Variants in TUBGCP5 observed in about 807,000 individuals in gnomAD.
TUBGCP5 encodes the protein gamma-tubulin complex component 5.
Under a neutral mutation model 134.7 loss-of-function variants are expected in TUBGCP5, and 98 were observed. The ratio of observed to expected loss-of-function variants is 0.73; its 90% CI spans 0.62 to 0.86. TUBGCP5 has a LOEUF of 0.86. Among genes scored for constraint, TUBGCP5 ranks in the 40% least tolerant of loss-of-function variants. The pLI is 0.00. For synonymous variants in TUBGCP5, 456 were observed against 431.4 expected, an observed-to-expected ratio of 1.06 and a Z score of -0.71; for missense variants, 1,150 against 1,244.8, an observed-to-expected ratio of 0.92 and a Z score of 1.15.
chr15:22,999,815 G>C lies in TUBGCP5; in HGVS notation c.*5C>G. The stretch of plus-strand genomic sequence containing the variant: ...AGTCGGAGATATTTATTACGCTGAA[G>C]ACATTTAACTTTGTTCCATGCCAGC... On this transcript the variant is annotated 3_prime_UTR_variant, in exon 23 of 23. Coordinates refer to ENST00000615383, the MANE Select transcript of TUBGCP5 (RefSeq NM_052903.6). 6.2e-7 allele frequency: 1 copy of C among 1,613,178 alleles called. No individual in the cohort carries two copies. Among genetic ancestry groups the C allele is most frequent in the Non-Finnish European group, 8.5e-7 (1 of 1,179,104 alleles).
At chr15:23,034,047 A>G (rs754459378) in intron 3 of TUBGCP5, among the ~76,000 whole-genome samples, 2 of 152,206 alleles carry the variant, frequency 1.3e-5, no homozygotes, top group African/African-American at 4.8e-5. Context: ...GCTTGTGGTA[A>G]CTGAGCTCTT....
intron 13 of TUBGCP5, among the ~76,000 whole-genome samples, chr15:23,017,295 G>A (rs2065391022): frequency 6.6e-6 from 1 of 152,014 alleles, no homozygotes; most frequent in Non-Finnish European, 1.5e-5. Flanking sequence ...GTATTATAGA[G>A]TTGCACATAG....
intron 14 of TUBGCP5, 104 bp downstream of exon 14, chr15:23,011,029 C>G: frequency 9.1e-7 from 1 of 1,093,342 alleles, no homozygotes; most frequent in East Asian, 2.4e-5. Flanking sequence ...GGATAGCCTA[C>G]AAGAGTTTTT....
chr15:23,024,123 A>G lies in TUBGCP5; in HGVS notation c.992T>C (p.Ile331Thr), dbSNP rs1244904118. ...AGAACTGTGTCCCATGACTTCATCAATGAACTCCTGGAGTCGAAACACAAC... is the reference window on the plus strand; with the variant it reads ...AGAACTGTGTCCCATGACTTCATCAGTGAACTCCTGGAGTCGAAACACAAC... ...GQVVFRLQEFIDEVMGHSSES... is the reference protein window; with the variant it reads ...GQVVFRLQEFTDEVMGHSSES... The change falls in exon 10 of 23, where the codon ATT becomes ACT. Residue 331 changes from isoleucine (I) to threonine (T), a missense_variant. Physicochemically the swap from Ile to Thr is moderately conservative, Grantham distance 89 (BLOSUM62 -1). Around this residue, in one of 2 missense-constraint regions of TUBGCP5, gnomAD observed 697 missense variants for 850.1 expected, o/e 0.82. Coordinates refer to ENST00000615383, the MANE Select transcript of TUBGCP5 (RefSeq NM_052903.6). 8 of 1,614,188 alleles carry G rather than the reference A, an allele frequency of 5.0e-6. No homozygotes were observed. Among genetic ancestry groups the G allele is most frequent in the African/African-American group, 1.3e-5 (1 of 75,056 alleles).
Position 23,030,913 on chromosome 15 carries a change from T to G in TUBGCP5, c.594A>C (p.Arg198Ser), listed in dbSNP as rs759717000. ...TCCAACTGATACAAGGATCCAGTTT[T>G]CTGTTTTGATCTTGTTCTTCTAACG... The part of the protein sequence containing the change: ...RTPLEEQDQN[R>S]KLDPCISWKD... Residue 198 changes from arginine (R) to serine (S), a missense_variant, in exon 6 of 23, where the codon AGA (arginine) becomes AGC (serine). Around this residue, in one of 2 missense-constraint regions of TUBGCP5, gnomAD observed 453 missense variants for 394.7 expected, o/e 1.15. Coordinates refer to ENST00000615383, the MANE Select transcript of TUBGCP5 (RefSeq NM_052903.6). 1 of 1,613,204 alleles carries G rather than the reference T, an allele frequency of 6.2e-7. No homozygotes were observed. The highest frequency in any genetic ancestry group is 8.5e-7 in the Non-Finnish European group (1 of 1,179,844).
intron 21 of TUBGCP5, among the ~76,000 whole-genome samples, chr15:23,001,426 C>T (rs2064366179): frequency 6.6e-6 from 1 of 151,670 alleles, no homozygotes; most frequent in South Asian, 2.1e-4. Context: ...CACACCACAA[C>T]CTCTGCCTCC....
Position 22,999,783 on chromosome 15 carries a change from A to G in TUBGCP5, c.*37T>C, listed in dbSNP as rs751065402. Reference sequence around the variant, plus strand: ...CACATGGTGGAAATGTACATGTATGATGACAAAGTCGGAGATATTTATTAC... The same window carrying G: ...CACATGGTGGAAATGTACATGTATGGTGACAAAGTCGGAGATATTTATTAC... On this transcript the variant is annotated 3_prime_UTR_variant, in exon 23 of 23. Transcript: ENST00000615383. The G allele has an allele frequency of 1.2e-5, 20 of 1,603,198 alleles. No homozygotes were observed. In the Middle Eastern group the frequency reaches 4.9e-4, roughly 40 times the overall value.
At chr15:23,009,505 T>C (rs2064915920) in intron 15 of TUBGCP5, among the ~76,000 whole-genome samples, 1 of 152,048 alleles carries the variant, frequency 6.6e-6, no homozygotes, top group African/African-American at 2.4e-5. Flanking sequence ...CCTGATCTCG[T>C]GATCCTCCCA....
chr15:23,027,274 G>A lies in TUBGCP5; in HGVS notation c.655C>T (p.His219Tyr). Residue 219 changes from histidine (H) to tyrosine (Y), a missense_variant, in exon 7 of 23, where the codon CAT becomes TAT. His to Tyr is a moderately conservative substitution (Grantham distance 83). Around this residue, in one of 2 missense-constraint regions of TUBGCP5, gnomAD observed 453 missense variants for 394.7 expected, o/e 1.15. Transcript: ENST00000615383. ...GCTGTCCAGTACTGATGGACCACAT[G>A]ATGTTCCAGCCAGCTTCGGTCATCT... ...EPDDRSWLEH[H>Y]VVHQYWTARP... The A allele has an allele frequency of 6.2e-7, 1 of 1,613,948 alleles. No homozygotes were observed. Among genetic ancestry groups the A allele is most frequent in the South Asian group, 1.1e-5 (1 of 91,048 alleles).
At chr15:23,022,184 C>T (rs2065742996) in intron 10 of TUBGCP5, 23 bp from the exon 11 acceptor site, 8 of 1,610,274 alleles carry the variant, frequency 5.0e-6, no homozygotes, top group Admixed American at 1.7e-5. Flanking sequence ...ATAAATCAAA[C>T]TCAACAGCAA....
At chr15:22,988,720 A>G (rs547700374) in intron 23 of TUBGCP5, among the ~76,000 whole-genome samples, 2 of 137,150 alleles carry the variant, frequency 1.5e-5, no homozygotes, top group East Asian at 2.2e-4. Context: ...TGGACGACAG[A>G]GCGAGACTCC....
intron 23 of TUBGCP5, among the ~76,000 whole-genome samples, chr15:22,989,993 C>A (rs1279280900): frequency 1.3e-5 from 2 of 152,196 alleles, no homozygotes; most frequent in Non-Finnish European, 2.9e-5. Context: ...TGCCCTGGGG[C>A]TTCCCTGTCA....
chr15:23,011,294 T>G lies in TUBGCP5; in HGVS notation c.1794A>C (p.Glu598Asp). ...ERKSLYTLFL[E>D]SVQSRLRHGE... ...CATGTCGAAGACGGGACTGTACAGA[T>G]TCCAGAAAGAGAGTGTATAAACTTT... The change falls in exon 14 of 23, where the codon GAA (glutamate) becomes GAC (aspartate). Residue 598 changes from glutamate to aspartate, a missense_variant. Coordinates refer to ENST00000615383, the MANE Select transcript of TUBGCP5 (RefSeq NM_052903.6). The G allele has an allele frequency of 6.2e-7, 1 of 1,613,784 alleles. No homozygotes were observed. Among genetic ancestry groups the G allele is most frequent in the Non-Finnish European group, 8.5e-7 (1 of 1,179,902 alleles).
rs767442310 is a variant in TUBGCP5 at position 23,017,761 on chromosome 15, CG to C, written c.1756+11del. The C allele has an allele frequency of 7.5e-6, 12 of 1,609,140 alleles. No individual in the cohort carries two copies. Among genetic ancestry groups the C allele is most frequent in the Admixed American group, 5.0e-5 (3 of 59,620 alleles). On this transcript the variant is annotated intron_variant, in intron 13 of 22. Coordinates refer to ENST00000615383, the MANE Select transcript of TUBGCP5 (RefSeq NM_052903.6). ...CAACACCAAGAGAGACACAGGAAGA[CG>C]GAACAAGTACCTCTGGCTCCTGCCT... is the stretch of plus-strand genomic sequence containing the variant.
At chr15:23,022,431 G>A (rs1424380476) in intron 10 of TUBGCP5, among the ~76,000 whole-genome samples, 1 of 152,190 alleles carries the variant, frequency 6.6e-6, no homozygotes, top group Non-Finnish European at 1.5e-5. Flanking sequence ...CATACAGAAA[G>A]TCACTTGACC....
chr15:22,983,292 T>C (rs2063586875), exon 24 of TUBGCP5: 1 of 152,118 alleles, frequency 6.6e-6, no homozygotes, highest in African/African-American at 2.4e-5. Context: ...ACAAGTCTCA[T>C]CAGATTTCAA....
chr15:22,993,404 T>C (rs1368239586), intron 23 of TUBGCP5, among the ~76,000 whole-genome samples: 1 of 150,046 alleles, frequency 6.7e-6, no homozygotes, highest in Non-Finnish European at 1.5e-5. Context: ...AGCTGGAAAC[T>C]CTTTTTTATT....
chr15:23,032,723 C>G lies in TUBGCP5; in HGVS notation c.406+5G>C. 1 of 1,559,128 alleles carries G rather than the reference C, an allele frequency of 6.4e-7. No homozygotes were observed. The highest frequency in any genetic ancestry group is 8.7e-7 in the Non-Finnish European group (1 of 1,154,398). On this transcript the variant is annotated splice_donor_5th_base_variant and intron_variant, in intron 4 of 22. Transcript: ENST00000615383. ...TCTCATATGTTAAGGAATCTAGTAA[C>G]ATACCCACTTCTTTATTTCTTGGTG...
At chr15:23,018,878 AATTTAC>A (rs1186536551) in intron 12 of TUBGCP5, among the ~76,000 whole-genome samples, 2 of 152,192 alleles carry the variant, frequency 1.3e-5, no homozygotes, top group Non-Finnish European at 2.9e-5. Flanking sequence ...CTTTACTGAT[AATTTAC>A]AATGGAAATA....
Sources: allele counts gnomAD v4.1 joint callset (sites outside exome capture counted in the v4.1 genomes callset), GRCh38; gene constraint gnomAD v4.1.1; regional missense constraint gnomAD v4.1.1; transcripts MANE v1.5; gene names NCBI Gene and HGNC (gene_info 2026-07-23, HGNC 2026-07-21).